The following TXNL4A variants were observed in gnomAD, a reference collection of about 807,000 sequenced individuals.
TXNL4A encodes thioredoxin-like protein 4A.
In TXNL4A, 17 loss-of-function variants were observed where a neutral mutation model predicts 14.6. The ratio of observed to expected loss-of-function variants is 1.16; its 90% CI spans 0.80 to 1.74. The LOEUF is 1.74. TXNL4A is among the 40% of genes most tolerant of loss of function. The probability of loss-of-function intolerance (pLI) is 0.00; values close to 1 mark genes in which losing one functional copy is unlikely to be tolerated. For missense variants in TXNL4A, 74 were observed against 195.2 expected, an observed-to-expected ratio of 0.38 and a Z score of 3.70; for synonymous variants, 83 against 70.6, an observed-to-expected ratio of 1.18 and a Z score of -0.88.
chr18:80,000,807 C>T (rs891320097), intron 1 of TXNL4A, among the ~76,000 whole-genome samples: 7 of 152,166 alleles, frequency 4.6e-5, no homozygotes, highest in Admixed American at 2.6e-4. Flanking sequence ...GCGCCTGACT[C>T]CACTCCCAGC....
At chr18:79,978,152 C>T (rs1368254910) in intron 1 of TXNL4A, among the ~76,000 whole-genome samples, 4 of 152,142 alleles carry the variant, frequency 2.6e-5, no homozygotes, top group African/African-American at 9.7e-5. Context: ...CTCCCAGAAT[C>T]GCCCAGGAAT....
intron 2 of TXNL4A, among the ~76,000 whole-genome samples, chr18:79,975,820 C>G (rs1208621131): frequency 1.3e-5 from 2 of 152,128 alleles, no homozygotes; most frequent in African/African-American, 2.4e-5. Flanking sequence ...AACTTCCAAG[C>G]AAAGTCTCGG....
chr18:79,994,797 C>T (rs887585100), intron 1 of TXNL4A: 3 of 152,362 alleles, frequency 2.0e-5, no homozygotes, highest in Admixed American at 6.5e-5. Flanking sequence ...CCTACACCCC[C>T]ACTCTACCCC....
chr18:80,005,129 G>A (rs569427121), intron 1 of TXNL4A, among the ~76,000 whole-genome samples: 5 of 152,380 alleles, frequency 3.3e-5, no homozygotes, highest in Admixed American at 6.5e-5. Flanking sequence ...GTTAACACGA[G>A]AGTCTCGTGA....
At chr18:80,032,898 T>C (rs565041508) in intron 1 of TXNL4A, among the ~76,000 whole-genome samples, 1 of 152,276 alleles carries the variant, frequency 6.6e-6, no homozygotes, top group East Asian at 1.9e-4. Flanking sequence ...ACAGGTGCAG[T>C]CACCCTAGCC....
chr18:80,032,307 T>A (rs1173554947), intron 1 of TXNL4A, among the ~76,000 whole-genome samples: 2 of 152,066 alleles, frequency 1.3e-5, no homozygotes, highest in Non-Finnish European at 2.9e-5. Flanking sequence ...GGAACCCACA[T>A]TCCTTTTTAA....
chr18:79,999,627 G>A (rs2051686393), intron 1 of TXNL4A, among the ~76,000 whole-genome samples: 1 of 150,716 alleles, frequency 6.6e-6, no homozygotes, highest in Non-Finnish European at 1.5e-5. Flanking sequence ...CACCACAGAA[G>A]TTCAGGGTAA....
Position 79,988,282 on chromosome 18 carries a change from C to G in TXNL4A, c.111G>C (p.Thr37=), listed in dbSNP as rs766100879. The change falls in exon 1 of 3, where the codon ACG becomes ACC. Residue 37 remains threonine (T), a synonymous_variant. Coordinates refer to ENST00000269601, the MANE Select transcript of TXNL4A (RefSeq NM_006701.5). ...ACAGGACCTCGTCCATCTTCATGCA[C>G]GTAGGATCCCAGTCGTGGCCGAAGC... ...VIRFGHDWDP[T]CMKMDEVLYS... 12 of 1,603,734 alleles carry G rather than the reference C, an allele frequency of 7.5e-6. No homozygotes were observed. The highest frequency in any genetic ancestry group is 9.4e-6 in the Non-Finnish European group (11 of 1,173,166).
At chr18:80,003,758 C>T (rs375053399) in intron 1 of TXNL4A, among the ~76,000 whole-genome samples, 10 of 152,298 alleles carry the variant, frequency 6.6e-5, no homozygotes, top group African/African-American at 2.2e-4. Context: ...AAGTGACTCA[C>T]GGTTCCACAT....
chr18:80,023,410 C>T (rs1268980571), intron 1 of TXNL4A, among the ~76,000 whole-genome samples: 1 of 152,104 alleles, frequency 6.6e-6, no homozygotes. Context: ...CTAGGTGGCG[C>T]CGTAGGGTTG....
At chr18:80,014,402 G>C (rs745909318) in intron 1 of TXNL4A, among the ~76,000 whole-genome samples, 16 of 152,134 alleles carry the variant, frequency 1.1e-4, no homozygotes, top group Non-Finnish European at 1.9e-4. Flanking sequence ...CATTCCAAAT[G>C]GGAGAAACTG....
intron 1 of TXNL4A, among the ~76,000 whole-genome samples, chr18:80,028,125 G>C (rs2051897014): frequency 6.6e-6 from 1 of 150,754 alleles, no homozygotes; most frequent in Non-Finnish European, 1.5e-5. Flanking sequence ...CACAAAACTG[G>C]AGGTACTGCA....
intron 1 of TXNL4A, among the ~76,000 whole-genome samples, chr18:79,983,823 C>T (rs1045274326): frequency 3.3e-5 from 5 of 152,240 alleles, no homozygotes; most frequent in African/African-American, 4.8e-5. Context: ...CACCACAACC[C>T]TATGAGTGAG....
At chr18:80,031,994 T>A (rs1046012869) in intron 1 of TXNL4A, among the ~76,000 whole-genome samples, 1 of 152,232 alleles carries the variant, frequency 6.6e-6, no homozygotes, top group African/African-American at 2.4e-5. Context: ...AGTCCATGTG[T>A]AACTGAAAGG....
Position 79,993,982 on chromosome 18 carries a change from C to T in TXNL4A, c.-60-16281G>A, listed in dbSNP as rs1007323342. 5.9e-5 allele frequency among the ~76,000 whole-genome samples: 9 copies of T among 152,112 alleles called. No individual in the cohort carries two copies. Among genetic ancestry groups the T allele is most frequent in the Admixed American group, 1.3e-4 (2 of 15,260 alleles). The stretch of plus-strand genomic sequence containing the variant: ...AATAATGGCCCTGAAGAGCCAGGTC[C>T]CCAGGCAGCACACTTTGGGTCTCAC... On this transcript the variant is annotated intron_variant, in intron 1 of 2. Transcript: ENST00000585474. This position sits in a 1 kb window ranked among gnomAD's most constrained non-coding sequence, Gnocchi z 4.4.
chr18:79,999,240 T>C (rs2051682730), intron 1 of TXNL4A, among the ~76,000 whole-genome samples: 1 of 152,126 alleles, frequency 6.6e-6, no homozygotes. Context: ...TCAGAGCTGT[T>C]AGAAGCTATT....
upstream of TXNL4A, among the ~76,000 whole-genome samples, chr18:79,991,533 T>C (rs986700428): frequency 2.6e-5 from 4 of 152,258 alleles, no homozygotes; most frequent in African/African-American, 7.2e-5. Flanking sequence ...ATATACTACA[T>C]TTTATCCATC....
intron 1 of TXNL4A, among the ~76,000 whole-genome samples, chr18:80,021,533 G>T (rs561697769): frequency 6.6e-5 from 10 of 152,270 alleles, no homozygotes; most frequent in African/African-American, 2.4e-4. Flanking sequence ...GCAATGGTAT[G>T]CAGAAAAAGG....
rs570289354 is a variant in TXNL4A, at chr18:79,976,434, G to A, written c.257+1164C>T. Among the ~76,000 whole-genome samples, 88 of 152,252 alleles carry A rather than the reference G, an allele frequency of 5.8e-4. 1 individual carries two copies. Among genetic ancestry groups the A allele is most frequent in the African/African-American group, 2.1e-3 (88 of 41,532 alleles). ...GGTCTCTGGCAGCAGAGTGGCCTCAGGTAACAGCAGCAAGGAAGCAGATCT... is the reference window on the plus strand; with the variant it reads ...GGTCTCTGGCAGCAGAGTGGCCTCAAGTAACAGCAGCAAGGAAGCAGATCT... On this transcript the variant is annotated intron_variant, in intron 2 of 2. Transcript: ENST00000269601.
Sources: allele counts gnomAD v4.1 joint callset (sites outside exome capture counted in the v4.1 genomes callset), GRCh38; gene constraint gnomAD v4.1.1; non-coding constraint Gnocchi (gnomAD v3.1); transcripts MANE v1.5; gene names NCBI Gene and HGNC (gene_info 2026-07-23, HGNC 2026-07-21).